The following ZMYND12 variants were observed in gnomAD, a reference collection of about 807,000 sequenced individuals.
The protein encoded by ZMYND12 is zinc finger MYND-type containing 12.
ZMYND12 carries 32 observed loss-of-function variants against 41.7 expected under a neutral mutation model. That is an observed-to-expected ratio of 0.77 (90% CI 0.58 to 1.03). The LOEUF (loss-of-function observed/expected upper bound fraction) is 1.03. Ranked by LOEUF, ZMYND12 falls within the 50% of genes least tolerant of loss-of-function variation. ZMYND12 has a pLI of 0.00. For missense variants in ZMYND12, 424 were observed against 438.5 expected, an observed-to-expected ratio of 0.97 and a Z score of 0.30; for synonymous variants, 148 against 164.8, an observed-to-expected ratio of 0.90 and a Z score of 0.78.
intron 1 of ZMYND12, among the ~76,000 whole-genome samples, chr1:42,451,285 T>C (rs1458544063): frequency 1.3e-5 from 2 of 152,232 alleles, no homozygotes; most frequent in African/African-American, 4.8e-5. Context: ...ACCATTATTA[T>C]TAAATTGTCT....
At chr1:42,431,179 G>GTT (rs1332461099) in intron 7 of ZMYND12, among the ~76,000 whole-genome samples, 1 of 152,176 alleles carries the variant, frequency 6.6e-6, no homozygotes, top group African/African-American at 2.4e-5. Flanking sequence ...GAGGTGACAG[G>GTT]TGCCACAAGT....
At chr1:42,444,006 T>A (rs771737999) in intron 3 of ZMYND12, among the ~76,000 whole-genome samples, 44 of 152,198 alleles carry the variant, frequency 2.9e-4, no homozygotes, top group Non-Finnish European at 5.4e-4. Flanking sequence ...GGGACTACTA[T>A]AAGTGCATGC....
intron 4 of ZMYND12, among the ~76,000 whole-genome samples, chr1:42,439,431 A>G (rs1344667046): frequency 6.6e-6 from 1 of 152,132 alleles, no homozygotes; most frequent in African/African-American, 2.4e-5. Flanking sequence ...ACGCCTGGCT[A>G]ATTTTTTGTA....
intron 2 of ZMYND12, among the ~76,000 whole-genome samples, 184 bp downstream of exon 2, chr1:42,449,734 C>T (rs2148410045): frequency 6.6e-6 from 1 of 152,322 alleles, no homozygotes; most frequent in East Asian, 1.9e-4. Context: ...CAGACTAATA[C>T]AGTAAGTATT....
At chr1:42,450,171 C>T in intron 1 of ZMYND12, 112 bp from the exon 2 acceptor site, 2 of 1,287,038 alleles carry the variant, frequency 1.6e-6, no homozygotes, top group Non-Finnish European at 2.1e-6. Context: ...CAAATACAAA[C>T]CAGGCAGGGA....
chr1:42,454,852 C>T (rs755461426), intron 1 of ZMYND12, among the ~76,000 whole-genome samples: 3 of 151,800 alleles, frequency 2.0e-5, no homozygotes, highest in Admixed American at 6.6e-5. Context: ...TACAGGTGCA[C>T]GCCACCACAT....
intron 1 of ZMYND12, 37 bp from the exon 2 acceptor site, chr1:42,450,096 T>C (rs749463107): frequency 3.1e-6 from 5 of 1,606,946 alleles, no homozygotes; most frequent in East Asian, 2.2e-5. Context: ...ATCTTTATAT[T>C]TGGCATGACT....
intron 6 of ZMYND12, among the ~76,000 whole-genome samples, chr1:42,434,028 C>T (rs1642881685): frequency 6.6e-6 from 1 of 152,202 alleles, no homozygotes; most frequent in African/African-American, 2.4e-5. Flanking sequence ...ATTTTTTAAA[C>T]TTTAGCTCAA....
At chr1:42,444,011 G>A (rs1463218412) in intron 3 of ZMYND12, among the ~76,000 whole-genome samples, 6 of 152,110 alleles carry the variant, frequency 3.9e-5, no homozygotes, top group Non-Finnish European at 8.8e-5. Context: ...TACTATAAGT[G>A]CATGCCACCA....
chr1:42,440,152 A>C, intron 3 of ZMYND12, 127 bp from the exon 4 acceptor site: 3 of 1,028,868 alleles, frequency 2.9e-6, no homozygotes, highest in Non-Finnish European at 2.6e-6. Flanking sequence ...AGAAAAACTC[A>C]TACAGGAATG....
chr1:42,452,269 G>C (rs1400732935), intron 1 of ZMYND12, among the ~76,000 whole-genome samples: 1 of 152,186 alleles, frequency 6.6e-6, no homozygotes, highest in South Asian at 2.1e-4. Context: ...GAATGGTGAA[G>C]TGGTATTCAA....
At chr1:42,438,218 G>C (rs1442623041) in intron 4 of ZMYND12, among the ~76,000 whole-genome samples, 2 of 152,200 alleles carry the variant, frequency 1.3e-5, no homozygotes, top group African/African-American at 4.8e-5. Context: ...TTAGTCAGGA[G>C]CCCAGGTGGA....
At chr1:42,436,334 T>C in intron 5 of ZMYND12, 87 bp downstream of exon 5, 1 of 1,554,868 alleles carries the variant, frequency 6.4e-7, no homozygotes, top group Non-Finnish European at 8.8e-7. Flanking sequence ...TTCTCATGAA[T>C]GGTATGTTTT....
chr1:42,430,662 A>G lies in ZMYND12; in HGVS notation c.*74T>C, dbSNP rs1642837401. 1.9e-6 allele frequency: 3 copies of G among 1,581,008 alleles called. No homozygotes were observed. Among genetic ancestry groups the G allele is most frequent in the Non-Finnish European group, 8.7e-7 (1 of 1,155,126 alleles). ...TCAGCAGTCTACAGTACCTCAAAGC[A>G]GTTGTGCAAGGCTGGAATATATTAG... is the stretch of plus-strand genomic sequence containing the variant. On this transcript the variant is annotated 3_prime_UTR_variant, in exon 8 of 8. Transcript: ENST00000372565.
chr1:42,447,883 T>A (rs953066082), intron 3 of ZMYND12, among the ~76,000 whole-genome samples: 9 of 152,218 alleles, frequency 5.9e-5, no homozygotes, highest in Non-Finnish European at 2.9e-5. Context: ...CCTGTATTTC[T>A]GAACTATGTG....
chr1:42,448,025 G>A (rs1055713165), intron 3 of ZMYND12, among the ~76,000 whole-genome samples: 3 of 152,164 alleles, frequency 2.0e-5, no homozygotes, highest in Admixed American at 6.5e-5. Context: ...TAGAAAACAC[G>A]TAAACTGAAA....
At chr1:42,451,606 G>A (rs541650544) in intron 1 of ZMYND12, among the ~76,000 whole-genome samples, 1 of 152,264 alleles carries the variant, frequency 6.6e-6, no homozygotes, top group Admixed American at 6.5e-5. Context: ...CCATGTTCAA[G>A]CACCTTCTTG....
intron 3 of ZMYND12, among the ~76,000 whole-genome samples, chr1:42,441,721 C>T (rs1308294368): frequency 6.6e-6 from 1 of 151,448 alleles, no homozygotes; most frequent in Non-Finnish European, 1.5e-5. Flanking sequence ...CCCAGGTTCA[C>T]GCCATTCTCC....
At chr1:42,433,683 A>G (rs1248510567) in intron 6 of ZMYND12, among the ~76,000 whole-genome samples, 1 of 152,188 alleles carries the variant, frequency 6.6e-6, no homozygotes, top group Non-Finnish European at 1.5e-5. Context: ...TACAGCTGAG[A>G]GGAGAGAACT....
Sources: gnomAD v4.1 joint callset for allele counts (sites outside exome capture counted in the v4.1 genomes callset) on GRCh38, gnomAD v4.1.1 for gene constraint, MANE v1.5 for transcripts, NCBI Gene and HGNC (gene_info 2026-07-23, HGNC 2026-07-21) for gene names.